Variants in INSR observed in about 807,000 individuals in gnomAD.
INSR encodes insulin receptor.
A neutral mutation model predicts 142.6 loss-of-function variants in INSR; 67 were observed. The observed-to-expected ratio is 0.47, with a 90% CI of 0.39 to 0.58. INSR has a LOEUF of 0.58. Among genes scored for constraint, INSR ranks in the 20% least tolerant of loss-of-function variants. INSR has a pLI of 0.00. For missense variants in INSR, 1,248 were observed against 1,833.2 expected (o/e 0.68, Z 5.83); for synonymous variants, 756 against 743.1 (o/e 1.02, Z -0.28).
At position 7,142,717 on chromosome 19, in the gene INSR, T is replaced by A. The variant is rs545787469; in HGVS notation, c.2542+99A>T. 132 of 1,439,620 alleles carry A rather than the reference T, an allele frequency of 9.2e-5. No homozygotes were observed. The African/African-American group carries it at 1.6e-3, about 18-fold the overall frequency. The allele number at this position is 1,439,620 out of a possible 1,614,324, so 89.2% of individuals were successfully genotyped here. A position where few individuals can be genotyped will look rare whatever the true frequency, so the allele number is the denominator to read the frequency against. On this transcript the variant is annotated intron_variant, in intron 12 of 21. Transcript: ENST00000302850. ...CAAACAAAAATGAAGGCCAATAAGGTAAAATACAGATATGCACTGCTTAGA... is the reference window on the plus strand; with the variant it reads ...CAAACAAAAATGAAGGCCAATAAGGAAAAATACAGATATGCACTGCTTAGA...
chr19:7,205,813 C>T (rs553832239), intron 2 of INSR, among the ~76,000 whole-genome samples: 1 of 152,208 alleles, frequency 6.6e-6, no homozygotes, highest in East Asian at 1.9e-4. Flanking sequence ...TCAATTAGCC[C>T]AGGAGGTCAA....
At chr19:7,230,996 C>A (rs76440162) in intron 2 of INSR, among the ~76,000 whole-genome samples, 2 of 152,260 alleles carry the variant, frequency 1.3e-5, no homozygotes, top group East Asian at 3.9e-4. Flanking sequence ...AGCGGAGCTG[C>A]GGCCTTTAGA....
Position 7,163,853 on chromosome 19 carries a change from G to A in INSR, c.1862-654C>T, listed in dbSNP as rs867216698. Among the ~76,000 whole-genome samples the A allele has an allele frequency of 7.1e-5, 10 of 141,810 alleles. No individual in the cohort carries two copies. In the Middle Eastern group the frequency reaches 0.011, roughly 161 times the overall value. 93.0% of individuals were successfully genotyped at this position (141,810 alleles called of 152,430 possible). A position where few individuals can be genotyped will look rare whatever the true frequency, so the allele number is the denominator to read the frequency against. On this transcript the variant is annotated intron_variant, in intron 8 of 21. Transcript: ENST00000302850. ...AGCACTTTAGAAGGCCGAGGTGGGC[G>A]AATCATCTGAATCACCTGAGATCAG...
chr19:7,201,462 T>C (rs1974949503), intron 2 of INSR, among the ~76,000 whole-genome samples: 1 of 151,588 alleles, frequency 6.6e-6, no homozygotes, highest in Non-Finnish European at 1.5e-5. Flanking sequence ...ACTTCTCTAC[T>C]AAAAATACAA....
chr19:7,162,008 C>G (rs1973761593), intron 9 of INSR, among the ~76,000 whole-genome samples: 1 of 151,872 alleles, frequency 6.6e-6, no homozygotes, highest in African/African-American at 2.4e-5. Flanking sequence ...TATAAGGAGA[C>G]TCCATCTCTA....
At chr19:7,129,041 G>C (rs549335611) in intron 14 of INSR, 87 bp from the exon 15 acceptor site, 30 of 1,039,102 alleles carry the variant, frequency 2.9e-5, no homozygotes, top group Non-Finnish European at 3.3e-5. Flanking sequence ...CCTGGAATGG[G>C]TGGGCCACCC....
intron 2 of INSR, among the ~76,000 whole-genome samples, chr19:7,202,602 C>T (rs969442627): frequency 5.3e-5 from 8 of 151,382 alleles, no homozygotes; most frequent in African/African-American, 1.5e-4. Context: ...GGGGTTCAAG[C>T]GGTTCTCCTG....
intron 2 of INSR, among the ~76,000 whole-genome samples, chr19:7,255,785 G>C (rs1443774580): frequency 6.6e-6 from 1 of 151,772 alleles, no homozygotes; most frequent in East Asian, 1.9e-4. Context: ...TTGCTATGTT[G>C]CCCAGGCTGA....
At chr19:7,173,059 G>T (rs1458793095) in intron 4 of INSR, among the ~76,000 whole-genome samples, 1 of 152,108 alleles carries the variant, frequency 6.6e-6, no homozygotes, top group Non-Finnish European at 1.5e-5. Flanking sequence ...AGTGGTTACG[G>T]CAGAGACTGC....
intron 1 of INSR, among the ~76,000 whole-genome samples, chr19:7,288,804 A>G (rs1436992522): frequency 3.9e-5 from 6 of 152,024 alleles, no homozygotes; most frequent in African/African-American, 1.4e-4. Context: ...CTCTACTAAA[A>G]GTACAAAAAC....
intron 2 of INSR, among the ~76,000 whole-genome samples, chr19:7,265,374 A>G (rs1967690605): frequency 6.6e-6 from 1 of 152,182 alleles, no homozygotes; most frequent in Non-Finnish European, 1.5e-5. Flanking sequence ...TTTGGGAGAG[A>G]AACGAAACGC....
At chr19:7,117,616 C>A (rs749832662) in intron 21 of INSR, among the ~76,000 whole-genome samples, 13 of 152,128 alleles carry the variant, frequency 8.5e-5, no homozygotes, top group Non-Finnish European at 1.9e-4. Context: ...TTTTCTTCTT[C>A]TTATTTTGGA....
chr19:7,145,245 T>C (rs1390089217), intron 11 of INSR, among the ~76,000 whole-genome samples: 1 of 152,160 alleles, frequency 6.6e-6, no homozygotes, highest in Non-Finnish European at 1.5e-5. Flanking sequence ...TTTCTTTAAA[T>C]GATTTGAAAC....
In INSR at chr19:7,168,327, C is replaced by T. The variant is rs1057279726; in HGVS notation, c.1484-233G>A. Among the ~76,000 whole-genome samples the T allele has an allele frequency of 2.0e-5, 3 of 152,168 alleles. No individual in the cohort carries two copies. The highest frequency in any genetic ancestry group is 2.0e-4 in the Admixed American group (3 of 15,256). ...ACTCACGTAAGCCAATGACTTGACT[C>T]AGCCAGACAGTCAACTGAATAAGCG... is the stretch of plus-strand genomic sequence containing the variant. On this transcript the variant is annotated intron_variant, in intron 6 of 21. Coordinates refer to ENST00000302850, the MANE Select transcript of INSR (RefSeq NM_000208.4). This position sits in a 1 kb window ranked among gnomAD's most constrained non-coding sequence, Gnocchi z 4.3.
chr19:7,176,914 G>A (rs578044444), intron 3 of INSR, among the ~76,000 whole-genome samples: 24 of 152,314 alleles, frequency 1.6e-4, no homozygotes, highest in African/African-American at 5.3e-4. Context: ...TTACCCCAAC[G>A]TGGCAGAATT....
intron 2 of INSR, among the ~76,000 whole-genome samples, chr19:7,204,469 C>T (rs1039541591): frequency 9.2e-5 from 14 of 152,170 alleles, no homozygotes; most frequent in Non-Finnish European, 1.8e-4. Flanking sequence ...GTGTATATAC[C>T]TCAGACACTG....
intron 13 of INSR, among the ~76,000 whole-genome samples, chr19:7,138,338 T>A (rs1024802223): frequency 1.3e-5 from 2 of 152,152 alleles, no homozygotes; most frequent in Non-Finnish European, 2.9e-5. Flanking sequence ...AATTTTAACT[T>A]CTACATTACA....
chr19:7,170,014 C>T (rs1043213382), intron 6 of INSR, among the ~76,000 whole-genome samples: 1 of 152,124 alleles, frequency 6.6e-6, no homozygotes, highest in Non-Finnish European at 1.5e-5. Flanking sequence ...GGGTCCCCAG[C>T]CCCTGGGCCA....
chr19:7,284,729 C>T (rs1968300749), intron 1 of INSR, among the ~76,000 whole-genome samples: 1 of 152,096 alleles, frequency 6.6e-6, no homozygotes, highest in Non-Finnish European at 1.5e-5. Flanking sequence ...AGGGTTTCAC[C>T]ATGTTAGCCA....
Sources: allele counts gnomAD v4.1 joint callset (sites outside exome capture counted in the v4.1 genomes callset), GRCh38; gene constraint gnomAD v4.1.1; non-coding constraint Gnocchi (gnomAD v3.1); transcripts MANE v1.5; gene names NCBI Gene and HGNC (gene_info 2026-07-23, HGNC 2026-07-21).